Variants in COG5 observed in about 807,000 individuals in gnomAD.
COG5 encodes component of oligomeric golgi complex 5.
A neutral mutation model predicts 110.4 loss-of-function variants in COG5; 86 were observed. The ratio of observed to expected loss-of-function variants is 0.78; its 90% confidence interval spans 0.65 to 0.93. COG5 has a LOEUF of 0.93. Ranked by LOEUF, COG5 falls within the 40% of genes least tolerant of loss-of-function variation. The pLI is 0.00. For missense variants in COG5, 1,077 were observed against 987.0 expected (o/e 1.09, Z -1.22); for synonymous variants, 360 against 334.6 (o/e 1.08, Z -0.83).
chr7:107,212,602 C>T (rs982359163), intron 19 of COG5, among the ~76,000 whole-genome samples: 1 of 152,152 alleles, frequency 6.6e-6, no homozygotes, highest in African/African-American at 2.4e-5. Flanking sequence ...CAGGATAGCA[C>T]CTACAGTGTG....
intron 16 of COG5, among the ~76,000 whole-genome samples, chr7:107,256,188 T>G (rs541692606): frequency 7.2e-5 from 11 of 152,280 alleles, no homozygotes; most frequent in African/African-American, 2.6e-4. Context: ...GAATATATTC[T>G]GGTTTTATGC....
intron 6 of COG5, among the ~76,000 whole-genome samples, chr7:107,519,591 C>T (rs1308563754): frequency 6.6e-6 from 1 of 151,844 alleles, no homozygotes; most frequent in Non-Finnish European, 1.5e-5. Context: ...CAAGACTAAG[C>T]CAGGAAGAAG....
chr7:107,539,853 T>C (rs1265824761), intron 5 of COG5, among the ~76,000 whole-genome samples: 2 of 152,148 alleles, frequency 1.3e-5, no homozygotes, highest in Non-Finnish European at 2.9e-5. Context: ...ACAACAGGAA[T>C]GAATAATTGG....
At chr7:107,448,128 C>G (rs1795121085) in intron 6 of COG5, among the ~76,000 whole-genome samples, 1 of 152,090 alleles carries the variant, frequency 6.6e-6, no homozygotes, top group East Asian at 1.9e-4. Flanking sequence ...TGTACTCCAG[C>G]CTGGACGACA....
rs189372771 is a variant in COG5 at position 107,380,699 on chromosome 7, G to C, written c.670-7939C>G. ...GCCTACCAACCAAAGCCCAGGACCA[G>C]ACAAATTCACAGCCGAATTCTACGA... On this transcript the variant is annotated intron_variant, in intron 7 of 21. Transcript: ENST00000297135. 4.9e-3 allele frequency among the ~76,000 whole-genome samples: 749 copies of C among 152,318 alleles called. 1 individual carries two copies. Among genetic ancestry groups the C allele is most frequent in the Admixed American group, 7.4e-3 (113 of 15,308 alleles).
intron 13 of COG5, among the ~76,000 whole-genome samples, chr7:107,282,873 A>C (rs1805294354): frequency 6.6e-6 from 1 of 152,194 alleles, no homozygotes; most frequent in Non-Finnish European, 1.5e-5. Flanking sequence ...AAATCTTTAA[A>C]AGAATTTAGA....
intron 7 of COG5, among the ~76,000 whole-genome samples, chr7:107,388,835 A>C (rs1373855636): frequency 6.6e-6 from 1 of 152,072 alleles, no homozygotes; most frequent in African/African-American, 2.4e-5. Flanking sequence ...CTAGGACCCA[A>C]CCTGGTACCA....
chr7:107,450,478 G>A (rs1795266193), intron 6 of COG5: 1 of 152,284 alleles, frequency 6.6e-6, no homozygotes. Context: ...GGAAGCAGAT[G>A]AGTTCCCAGG....
chr7:107,415,768 A>C (rs74197354), intron 6 of COG5, among the ~76,000 whole-genome samples: 6 of 142,456 alleles, frequency 4.2e-5, no homozygotes, highest in African/African-American at 1.3e-4. Flanking sequence ...GTATGTGTGT[A>C]TATATACACA....
rs763528547 is a variant in COG5, at chr7:107,562,844, T to C, written c.94+959A>G. Among the ~76,000 whole-genome samples, 62 of 152,356 alleles carry C rather than the reference T, an allele frequency of 4.1e-4. 1 individual carries two copies. Among genetic ancestry groups the C allele is most frequent in the Middle Eastern group, 3.4e-3 (1 of 294 alleles). ...TTTATTACCCACTTCGGTCTTCAAA[T>C]GTGTGCATGTGCTTCTAACTGCGAT... On this transcript the variant is annotated intron_variant, in intron 1 of 21. Transcript: ENST00000297135.
intron 6 of COG5, among the ~76,000 whole-genome samples, chr7:107,482,820 C>T (rs929088398): frequency 6.6e-6 from 1 of 152,160 alleles, no homozygotes; most frequent in African/African-American, 2.4e-5. Flanking sequence ...ATGTACTTCA[C>T]TCAACCATAC....
chr7:107,394,295 TA>T (rs201411444), intron 7 of COG5, among the ~76,000 whole-genome samples: 462 of 139,544 alleles, frequency 3.3e-3, no homozygotes, highest in Admixed American at 3.8e-3. Flanking sequence ...AAAAGATACT[TA>T]AAAAAAAAAA....
rs113691475 is a variant in COG5, at chr7:107,343,649, C to T, written c.1026+18384G>A. ...CGAGCTGACGTCGCACCACTGCACT[C>T]CCACGTAGAAGACAGAGGGAGACCC... On this transcript the variant is annotated intron_variant, in intron 10 of 21. Coordinates refer to ENST00000297135, the MANE Select transcript of COG5 (RefSeq NM_006348.5). 5.4e-3 allele frequency among the ~76,000 whole-genome samples: 829 copies of T among 152,214 alleles called. 3 individuals are homozygous for T. The highest frequency in any genetic ancestry group is 0.02 in the Middle Eastern group (6 of 294).
chr7:107,522,585 TAAAGTA>T (rs776933939), intron 6 of COG5, among the ~76,000 whole-genome samples: 3 of 151,920 alleles, frequency 2.0e-5, no homozygotes, highest in Non-Finnish European at 4.4e-5. Context: ...TCCCGGAACT[TAAAGTA>T]AAATTAAAAA....
At chr7:107,224,203 T>TA (rs1485472303) in intron 19 of COG5, among the ~76,000 whole-genome samples, 1 of 152,146 alleles carries the variant, frequency 6.6e-6, no homozygotes, top group African/African-American at 2.4e-5. Flanking sequence ...TGGAGGGTCT[T>TA]AGTGTTAAAG....
At chr7:107,475,671 T>C (rs1563056410) in intron 6 of COG5, 1 of 211,350 alleles carries the variant, frequency 4.7e-6, no homozygotes. Flanking sequence ...TGTATAACTT[T>C]AAAATGTAAC....
At chr7:107,433,763 G>T (rs1229434395) in intron 6 of COG5, among the ~76,000 whole-genome samples, 1 of 152,018 alleles carries the variant, frequency 6.6e-6, no homozygotes, top group Non-Finnish European at 1.5e-5. Flanking sequence ...ATTGAATCTG[G>T]CAATTTCTCA....
At chr7:107,327,009 C>T (rs930378229) in intron 10 of COG5, among the ~76,000 whole-genome samples, 7 of 152,054 alleles carry the variant, frequency 4.6e-5, no homozygotes, top group African/African-American at 1.7e-4. Flanking sequence ...GATCCTATCT[C>T]TAAAAACCCA....
intron 6 of COG5, among the ~76,000 whole-genome samples, chr7:107,444,568 GTTTAT>G (rs963488320): frequency 1.2e-4 from 18 of 151,978 alleles, no homozygotes; most frequent in African/African-American, 4.3e-4. Context: ...AAACAATATG[GTTTAT>G]TTTGAAACTT....
Sources: allele counts gnomAD v4.1 joint callset (sites outside exome capture counted in the v4.1 genomes callset), GRCh38; gene constraint gnomAD v4.1.1; transcripts MANE v1.5; gene names NCBI Gene and HGNC (gene_info 2026-07-23, HGNC 2026-07-21).